TSPEAR: variants seen among roughly 807,000 people sequenced by gnomAD.
TSPEAR encodes the protein thrombospondin-type laminin G domain and EAR repeat-containing protein.
A neutral mutation model predicts 71.6 loss-of-function variants in TSPEAR; 69 were observed. That is an observed-to-expected ratio of 0.96 (90% CI 0.79 to 1.18). TSPEAR has a LOEUF of 1.18. Ranked by LOEUF, TSPEAR falls within the 50% of genes most tolerant of loss-of-function variation. TSPEAR has a pLI of 0.00. For synonymous variants in TSPEAR, 402 were observed against 387.2 expected, an observed-to-expected ratio of 1.04 and a Z score of -0.45; for missense variants, 971 against 894.9, an observed-to-expected ratio of 1.09 and a Z score of -1.09.
rs782621531 is a variant in TSPEAR, at chr21:44,622,312, CT to C, written c.83-54308del. ...TTTGCTTACGCAAGGAATCTACTCC[CT>C]TTTATCTCCTTGCTTTACTGCTTTT... On this transcript the variant is annotated intron_variant, in intron 1 of 11. Coordinates refer to ENST00000323084, the MANE Select transcript of TSPEAR (RefSeq NM_144991.3). Among the ~76,000 whole-genome samples the C allele has an allele frequency of 4.6e-5, 7 of 152,124 alleles. No homozygotes were observed. The South Asian group carries it at 8.7e-4, about 19-fold the overall frequency.
chr21:44,704,816 C>T (rs2146335261), intron 1 of TSPEAR, among the ~76,000 whole-genome samples: 1 of 128,588 alleles, frequency 7.8e-6, no homozygotes, highest in East Asian at 2.0e-4. Context: ...AGCTCCCACC[C>T]AGTGTCACGT....
At chr21:44,539,139 ATGGAGGCTCC>A in intron 2 of TSPEAR, 2 of 1,259,388 alleles carry the variant, frequency 1.6e-6, no homozygotes, top group Non-Finnish European at 2.1e-6. Flanking sequence ...AGCTGCAAGG[ATGGAGGCTCC>A]TGGGAGCAAG....
Position 44,574,963 on chromosome 21 carries a change from G to A in TSPEAR, c.83-6958C>T, listed in dbSNP as rs782275017. The A allele has an allele frequency of 2.2e-5, 35 of 1,606,138 alleles. No homozygotes were observed. The East Asian group carries it at 7.6e-4, about 35-fold the overall frequency. On this transcript the variant is annotated intron_variant, in intron 1 of 11. Coordinates refer to ENST00000323084, the MANE Select transcript of TSPEAR (RefSeq NM_144991.3). Reference sequence around the variant, plus strand: ...CCAGCCTCCTGCGTGTCCCTCCTCTGACGCCCCGTGTGCTCCCGCCCAGCC... The same window carrying A: ...CCAGCCTCCTGCGTGTCCCTCCTCTAACGCCCCGTGTGCTCCCGCCCAGCC...
At chr21:44,664,299 C>A (rs587749179) in intron 1 of TSPEAR, among the ~76,000 whole-genome samples, 2 of 152,040 alleles carry the variant, frequency 1.3e-5, no homozygotes, top group African/African-American at 4.8e-5. Context: ...TAGCAATGAA[C>A]AATCAGAAAT....
At chr21:44,575,026 G>A (rs1398270807) in intron 1 of TSPEAR, 13 of 1,588,932 alleles carry the variant, frequency 8.2e-6, no homozygotes, top group Non-Finnish European at 1.1e-5. Flanking sequence ...CCCAGCTGCT[G>A]ATGGACACGC....
chr21:44,514,819 C>A (rs1052780633), intron 9 of TSPEAR, among the ~76,000 whole-genome samples: 1 of 152,134 alleles, frequency 6.6e-6, no homozygotes, highest in Non-Finnish European at 1.5e-5. Flanking sequence ...TGAGGGCAGG[C>A]GGAAGAATGG....
chr21:44,522,595 G>C (rs1233659262), intron 8 of TSPEAR, among the ~76,000 whole-genome samples: 1 of 152,252 alleles, frequency 6.6e-6, no homozygotes, highest in East Asian at 1.9e-4. Flanking sequence ...AGGTCCTGCA[G>C]GCGGAGAGAT....
At position 44,574,447 on chromosome 21, in the gene TSPEAR, T is replaced by C. The variant is rs200058808; in HGVS notation, c.83-6442A>G. 3.4e-5 allele frequency: 54 copies of C among 1,601,864 alleles called. No homozygotes were observed. The African/African-American group carries it at 6.8e-4, about 20-fold the overall frequency. Reference sequence around the variant, plus strand: ...TCCTCCTGCCAGCAGGCCTGCTGCGTGCCCGTCTGCTGCAAGACTGTCTGC... The same window carrying C: ...TCCTCCTGCCAGCAGGCCTGCTGCGCGCCCGTCTGCTGCAAGACTGTCTGC... On this transcript the variant is annotated intron_variant, in intron 1 of 11. Coordinates refer to ENST00000323084, the MANE Select transcript of TSPEAR (RefSeq NM_144991.3).
At chr21:44,578,394 T>C (rs1978607528) in intron 1 of TSPEAR, among the ~76,000 whole-genome samples, 1 of 152,186 alleles carries the variant, frequency 6.6e-6, no homozygotes, top group Admixed American at 6.5e-5. Context: ...GGACTCATAA[T>C]TAAAACCCTT....
chr21:44,589,022 T>C (rs1167554513), intron 1 of TSPEAR, among the ~76,000 whole-genome samples: 1 of 151,856 alleles, frequency 6.6e-6, no homozygotes, highest in Non-Finnish European at 1.5e-5. Context: ...AAGGGGGTGA[T>C]GGATAAAAAA....
chr21:44,535,234 G>A (rs1006306006), intron 2 of TSPEAR, among the ~76,000 whole-genome samples: 5 of 152,080 alleles, frequency 3.3e-5, no homozygotes, highest in Non-Finnish European at 7.4e-5. Context: ...TTTACATTAC[G>A]TGTATTTTAC....
intron 1 of TSPEAR, among the ~76,000 whole-genome samples, chr21:44,649,312 G>T (rs1349258962): frequency 2.0e-5 from 3 of 152,184 alleles, no homozygotes; most frequent in African/African-American, 7.2e-5. Context: ...GTCTGTGGAG[G>T]AGGCCTTCTA....
At chr21:44,557,977 G>A in intron 2 of TSPEAR, 1 of 1,528,136 alleles carries the variant, frequency 6.5e-7, no homozygotes, top group Non-Finnish European at 8.9e-7. Flanking sequence ...ACTCAGACAG[G>A]GCTCAGGGCT....
intron 1 of TSPEAR, among the ~76,000 whole-genome samples, chr21:44,605,216 G>C (rs1316486113): frequency 6.6e-6 from 1 of 152,148 alleles, no homozygotes; most frequent in East Asian, 1.9e-4. Context: ...ATTTACAATA[G>C]CATGTAGAAG....
chr21:44,660,374 C>A (rs587612931), intron 1 of TSPEAR, among the ~76,000 whole-genome samples: 15 of 152,274 alleles, frequency 9.9e-5, no homozygotes, highest in African/African-American at 3.6e-4. Context: ...AAAGGGAAAT[C>A]TTGAAAGCAT....
intron 2 of TSPEAR, chr21:44,558,116 G>A: frequency 6.2e-7 from 1 of 1,612,482 alleles, no homozygotes; most frequent in East Asian, 2.2e-5. Context: ...AGCACGTGGG[G>A]CGGCAGAGGA....
chr21:44,648,046 G>A (rs1358321420), intron 1 of TSPEAR, among the ~76,000 whole-genome samples: 1 of 152,234 alleles, frequency 6.6e-6, no homozygotes, highest in African/African-American at 2.4e-5. Flanking sequence ...GTGGGCCGTG[G>A]AAAAGGTGCC....
intron 1 of TSPEAR, chr21:44,627,248 G>T (rs1982866441): frequency 1.2e-6 from 2 of 1,612,716 alleles, no homozygotes; most frequent in Non-Finnish European, 1.7e-6. Context: ...CCAGAGAGCT[G>T]CTGTGAGCCC....
Position 44,524,912 on chromosome 21 carries a change from T to C in TSPEAR, c.1336+741A>G, listed in dbSNP as rs61571582. On this transcript the variant is annotated intron_variant, in intron 8 of 11. Coordinates refer to ENST00000323084, the MANE Select transcript of TSPEAR (RefSeq NM_144991.3). ...TCAGGTAATCAGTCAGTCAGTCAGA[T>C]AGTCAGGTAGTTAGTCATTCAGGTA... Among the ~76,000 whole-genome samples the C allele has an allele frequency of 8.3e-3, 1,249 of 151,162 alleles. 13 individuals carry two copies. Among genetic ancestry groups the C allele is most frequent in the African/African-American group, 0.027 (1,118 of 41,094 alleles).
Sources: gnomAD v4.1 joint callset for allele counts (sites outside exome capture counted in the v4.1 genomes callset) on GRCh38, gnomAD v4.1.1 for gene constraint, MANE v1.5 for transcripts, NCBI Gene and HGNC (gene_info 2026-07-23, HGNC 2026-07-21) for gene names.